Variants in ABL1 observed in about 807,000 individuals in gnomAD.
ABL1 encodes tyrosine-protein kinase ABL1.
Under a neutral mutation model 94.7 loss-of-function variants are expected in ABL1, and 11 were observed. That is an observed-to-expected ratio of 0.12 (90% confidence interval 0.07 to 0.19). The LOEUF (loss-of-function observed/expected upper bound fraction) is 0.19. Ranked by LOEUF, ABL1 falls within the 10% of genes least tolerant of loss-of-function variation. ABL1 has a pLI of 1.00. For missense variants in ABL1, 1,082 were observed against 1,489.4 expected, an observed-to-expected ratio of 0.73 and a Z score of 4.50; for synonymous variants, 656 against 622.4, an observed-to-expected ratio of 1.05 and a Z score of -0.80.
chr9:130,726,417 G>C (rs1831586826), intron 1 of ABL1, among the ~76,000 whole-genome samples: 1 of 151,880 alleles, frequency 6.6e-6, no homozygotes, highest in Admixed American at 6.6e-5. Flanking sequence ...ATATTCCCTT[G>C]TTATCCTTTT....
At chr9:130,721,571 G>T (rs182587113) in intron 1 of ABL1, among the ~76,000 whole-genome samples, 10 of 152,178 alleles carry the variant, frequency 6.6e-5, no homozygotes, top group Admixed American at 1.3e-4. Flanking sequence ...TTAGCTGGGC[G>T]TGGTGGTACA....
intron 1 of ABL1, among the ~76,000 whole-genome samples, chr9:130,812,432 A>G (rs548942883): frequency 2.0e-5 from 3 of 152,208 alleles, no homozygotes; most frequent in African/African-American, 4.8e-5. Flanking sequence ...ATTTATATTT[A>G]TATGCTGTCT....
chr9:130,789,490 C>T (rs1359205874), intron 1 of ABL1, among the ~76,000 whole-genome samples: 2 of 151,730 alleles, frequency 1.3e-5, no homozygotes, highest in Non-Finnish European at 2.9e-5. Context: ...TTCCATAGAT[C>T]ATTGCAGCCA....
intron 1 of ABL1, among the ~76,000 whole-genome samples, chr9:130,851,998 C>T (rs923995445): frequency 3.3e-5 from 5 of 151,718 alleles, no homozygotes; most frequent in East Asian, 1.9e-4. Context: ...AGGCTGGTCT[C>T]GAACTCCTGA....
chr9:130,796,001 C>CTG (rs1196931874), intron 1 of ABL1, among the ~76,000 whole-genome samples: 3 of 150,666 alleles, frequency 2.0e-5, no homozygotes, highest in Admixed American at 6.6e-5. Context: ...GGCTAAAACC[C>CTG]TGTCTCTACC....
At chr9:130,747,541 G>A (rs889207260) in intron 1 of ABL1, among the ~76,000 whole-genome samples, 1 of 152,156 alleles carries the variant, frequency 6.6e-6, no homozygotes, top group African/African-American at 2.4e-5. Context: ...AGTCTCCCAA[G>A]TAGCTGAGAT....
intron 4 of ABL1, among the ~76,000 whole-genome samples, chr9:130,868,787 C>T (rs1191401211): frequency 6.6e-6 from 1 of 152,022 alleles, no homozygotes; most frequent in Non-Finnish European, 1.5e-5. Context: ...CCCAGAGAGG[C>T]CAAGCCATTT....
At chr9:130,865,603 C>T (rs1191403468) in intron 4 of ABL1, among the ~76,000 whole-genome samples, 4 of 152,024 alleles carry the variant, frequency 2.6e-5, no homozygotes, top group Non-Finnish European at 5.9e-5. Context: ...CAAAAATCAG[C>T]CAGGCGTGGT....
chr9:130,744,476 C>T (rs1191574618), intron 1 of ABL1, among the ~76,000 whole-genome samples: 6 of 151,438 alleles, frequency 4.0e-5, no homozygotes, highest in African/African-American at 1.5e-4. Context: ...ATGATGAATG[C>T]TTTTTACCCT....
In ABL1 at chr9:130,835,616, C is replaced by T. The variant is rs998874625; in HGVS notation, c.79+91C>T. 11 of 964,194 alleles carry T rather than the reference C, an allele frequency of 1.1e-5. No homozygotes were observed. The highest frequency in any genetic ancestry group is 1.6e-5 in the Non-Finnish European group (10 of 630,238). The allele number at this position is 964,194 out of a possible 1,614,324, so 59.7% of individuals were successfully genotyped here. On this transcript the variant is annotated intron_variant, in intron 1 of 10. Transcript: ENST00000318560. The surrounding 1 kb of genome is among the most constrained non-coding windows in gnomAD (Gnocchi z 4.6). ...CTAGGCCTCGCCGCCCGCGCGCTCC[C>T]GCCTGCGCCCTCCCCGGGTCTTGTC...
At chr9:130,759,364 C>A (rs1195671813) in intron 1 of ABL1, among the ~76,000 whole-genome samples, 1 of 152,194 alleles carries the variant, frequency 6.6e-6, no homozygotes, top group Non-Finnish European at 1.5e-5. Context: ...TCTTGAACCA[C>A]CACTGCACTG....
chr9:130,880,633 G>A lies in ABL1; in HGVS notation c.1647G>A (p.Glu549=), dbSNP rs1453634925. ...ACAGAGACACCACTGACGTGCCTGAGATGCCTCACTCCAAGGGCCAGGGAG... is the reference window on the plus strand; with the variant it reads ...ACAGAGACACCACTGACGTGCCTGAAATGCCTCACTCCAAGGGCCAGGGAG... ...AEHRDTTDVP[E]MPHSKGQGES... is the part of the protein sequence containing the mutation. The change falls in exon 10 of 11, where the codon GAG becomes GAA. Residue 549 remains glutamate (E), a synonymous_variant. Transcript: ENST00000318560. The surrounding 1 kb of genome is among the most constrained non-coding windows in gnomAD (Gnocchi z 4.4). 6.2e-7 allele frequency: 1 copy of A among 1,613,654 alleles called. No individual in the cohort carries two copies. Among genetic ancestry groups the A allele is most frequent in the South Asian group, 1.1e-5 (1 of 91,044 alleles).
chr9:130,718,766 C>T (rs1564266825), intron 1 of ABL1, among the ~76,000 whole-genome samples: 1 of 152,110 alleles, frequency 6.6e-6, no homozygotes, highest in Non-Finnish European at 1.5e-5. Context: ...CCTGTGTTCC[C>T]AGCTACTTGA....
intron 1 of ABL1, among the ~76,000 whole-genome samples, chr9:130,762,804 G>A (rs758182256): frequency 6.6e-5 from 10 of 151,912 alleles, no homozygotes; most frequent in East Asian, 1.9e-4. Flanking sequence ...CCAGCTACTC[G>A]GGAGGCTGAG....
intron 1 of ABL1, among the ~76,000 whole-genome samples, chr9:130,737,577 A>T (rs999010261): frequency 1.2e-4 from 18 of 152,206 alleles, no homozygotes; most frequent in African/African-American, 4.3e-4. Context: ...CCACCTGGAC[A>T]TGTTTAAAGA....
chr9:130,772,503 G>A (rs950967072), intron 1 of ABL1, among the ~76,000 whole-genome samples: 1 of 152,142 alleles, frequency 6.6e-6, no homozygotes, highest in Admixed American at 6.6e-5. Flanking sequence ...GAATTATAGC[G>A]GTTGAGAGGA....
At chr9:130,747,761 G>C (rs1207128299) in intron 1 of ABL1, among the ~76,000 whole-genome samples, 3 of 152,152 alleles carry the variant, frequency 2.0e-5, no homozygotes, top group Admixed American at 2.0e-4. Flanking sequence ...ATGCCCACTA[G>C]GATGACGGAG....
At position 130,836,867 on chromosome 9, in the gene ABL1, C is replaced by T. The variant is rs548014322; in HGVS notation, c.79+1342C>T. ...AAAAAGAGTAGAAAGAAATGTGAAG[C>T]TCACTTTAGATCAAGTAGGATTTCT... is the stretch of plus-strand genomic sequence containing the variant. On this transcript the variant is annotated intron_variant, in intron 1 of 10. Coordinates refer to ENST00000318560, the MANE Select transcript of ABL1 (RefSeq NM_005157.6). 3.3e-5 allele frequency among the ~76,000 whole-genome samples: 5 copies of T among 150,630 alleles called. No homozygotes were observed. In the East Asian group the frequency reaches 9.7e-4, roughly 29 times the overall value.
intron 1 of ABL1, among the ~76,000 whole-genome samples, chr9:130,816,463 C>T: frequency 6.6e-6 from 1 of 151,778 alleles, no homozygotes; most frequent in Non-Finnish European, 1.5e-5. Flanking sequence ...TGTGAGCTAC[C>T]ACACCCGGCC....
Sources: gnomAD v4.1 joint callset for allele counts (sites outside exome capture counted in the v4.1 genomes callset) on GRCh38, gnomAD v4.1.1 for gene constraint, Gnocchi (gnomAD v3.1) non-coding constraint, MANE v1.5 for transcripts, NCBI Gene and HGNC (gene_info 2026-07-23, HGNC 2026-07-21) for gene names.